Variants in ECE1 observed in about 807,000 individuals in gnomAD.
ECE1 encodes the protein endothelin-converting enzyme 1.
ECE1 carries 35 observed loss-of-function variants against 98.6 expected under a neutral mutation model. The ratio of observed to expected loss-of-function variants is 0.35; its 90% CI spans 0.27 to 0.47. The LOEUF (loss-of-function observed/expected upper bound fraction) is 0.47, where lower values mean the gene tolerates loss of function less well. ECE1 is among the 20% of genes least tolerant of loss of function. ECE1 has a pLI of 1.00. For synonymous variants in ECE1, 394 were observed against 407.1 expected (o/e 0.97, Z 0.39); for missense variants, 814 against 1,025.3 (o/e 0.79, Z 2.81).
At chr1:21,273,021 CCACA>C (rs771959145) in intron 3 of ECE1, 110 bp from the exon 4 acceptor site, 1 of 1,216,952 alleles carries the variant, frequency 8.2e-7, no homozygotes, top group Non-Finnish European at 1.2e-6. Flanking sequence ...CTGGCCCTGA[CCACA>C]CAGATTTGGA....
chr1:21,250,095 G>T (rs1247708826), intron 8 of ECE1, among the ~76,000 whole-genome samples: 1 of 152,156 alleles, frequency 6.6e-6, no homozygotes, highest in Non-Finnish European at 1.5e-5. Context: ...ATTTCATCTT[G>T]CAAATGTGAG....
At chr1:21,238,338 T>C in intron 10 of ECE1, 94 bp from the exon 11 acceptor site, 2 of 1,014,026 alleles carry the variant, frequency 2.0e-6, no homozygotes, top group South Asian at 2.7e-5. Context: ...GGGCCCATGC[T>C]TTGTTCTGGA....
intron 1 of ECE1, among the ~76,000 whole-genome samples, chr1:21,305,187 A>G (rs1278553400): frequency 1.3e-5 from 2 of 152,226 alleles, no homozygotes; most frequent in African/African-American, 4.8e-5. Context: ...CAGCATAGAC[A>G]CAGGCCGTTT....
chr1:21,251,745 C>A (rs2098213129), intron 8 of ECE1, among the ~76,000 whole-genome samples: 2 of 152,136 alleles, frequency 1.3e-5, no homozygotes. Context: ...CCAGGAGGAA[C>A]CAGCTCTGGG....
chr1:21,294,230 TG>T (rs1053645973), upstream of ECE1: 3 of 152,418 alleles, frequency 2.0e-5, no homozygotes, highest in African/African-American at 7.2e-5. This position sits in a 1 kb window ranked among gnomAD's most constrained non-coding sequence, Gnocchi z 4.2. Flanking sequence ...TCACAGAGTC[TG>T]GGTGCCCTGG....
chr1:21,304,805 C>A (rs1296593484), intron 1 of ECE1, among the ~76,000 whole-genome samples: 2 of 152,054 alleles, frequency 1.3e-5, no homozygotes, highest in African/African-American at 4.8e-5. Context: ...GGAAATTACA[C>A]CTTATTAAGA....
intron 1 of ECE1, among the ~76,000 whole-genome samples, chr1:21,333,659 C>G (rs1639251452): frequency 6.6e-6 from 1 of 152,094 alleles, no homozygotes; most frequent in African/African-American, 2.4e-5. Context: ...ATGGTGAAAC[C>G]CCGTCTCTAC....
intron 17 of ECE1, chr1:21,222,130 C>A (rs987306494): frequency 1.1e-5 from 5 of 475,716 alleles, no homozygotes; most frequent in African/African-American, 7.9e-5. Flanking sequence ...AGATGCATCT[C>A]AAACTTAACA....
At chr1:21,234,893 C>T (rs930136864) in intron 13 of ECE1, among the ~76,000 whole-genome samples, 1 of 152,196 alleles carries the variant, frequency 6.6e-6, no homozygotes, top group Non-Finnish European at 1.5e-5. Context: ...AAGGATCTTG[C>T]GTCATGACAC....
chr1:21,261,812 G>A (rs768459725), intron 4 of ECE1, among the ~76,000 whole-genome samples: 2 of 152,198 alleles, frequency 1.3e-5, no homozygotes, highest in East Asian at 1.9e-4. Context: ...CATTTGAGCT[G>A]GTTCTGAAAG....
chr1:21,330,626 T>C (rs1346624696), intron 1 of ECE1, among the ~76,000 whole-genome samples: 3 of 152,186 alleles, frequency 2.0e-5, no homozygotes, highest in Non-Finnish European at 4.4e-5. Flanking sequence ...CTGCCATGCC[T>C]GGCACAGGAA....
At chr1:21,290,710 C>T (rs2098265835), upstream of ECE1, among the ~76,000 whole-genome samples, 1 of 152,194 alleles carries the variant, frequency 6.6e-6, no homozygotes, top group Non-Finnish European at 1.5e-5. The surrounding 1 kb of genome is among the most constrained non-coding windows in gnomAD (Gnocchi z 7.3). Context: ...CAACCGGGTC[C>T]CCAGTGGCAG....
chr1:21,330,122 C>T (rs1260914009), intron 1 of ECE1, among the ~76,000 whole-genome samples: 1 of 146,858 alleles, frequency 6.8e-6, no homozygotes, highest in African/African-American at 2.5e-5. Flanking sequence ...TGCCCACATA[C>T]TCACTAAATA....
intron 17 of ECE1, among the ~76,000 whole-genome samples, chr1:21,222,451 C>T: frequency 6.6e-6 from 1 of 152,162 alleles, no homozygotes; most frequent in East Asian, 1.9e-4. Flanking sequence ...CAGGTGCTGG[C>T]AAACCTTTTC....
intron 1 of ECE1, among the ~76,000 whole-genome samples, chr1:21,336,978 A>G (rs1001041504): frequency 1.3e-5 from 2 of 152,204 alleles, no homozygotes; most frequent in Admixed American, 1.3e-4. Context: ...CAGAGCTTGC[A>G]GTGAGCCGAG....
chr1:21,285,461 A>G (rs528206504), intron 2 of ECE1, among the ~76,000 whole-genome samples: 1 of 152,316 alleles, frequency 6.6e-6, no homozygotes, highest in Admixed American at 6.5e-5. Context: ...AACAGAGTTG[A>G]TAACAACTCC....
At chr1:21,244,666 TG>T (rs1317095769) in intron 10 of ECE1, among the ~76,000 whole-genome samples, 2 of 152,182 alleles carry the variant, frequency 1.3e-5, no homozygotes. Flanking sequence ...TGCTGTTCTG[TG>T]TTTTACGTTT....
chr1:21,260,488 C>A lies in ECE1; in HGVS notation c.494-96G>T. ...CTTTTCGGAGCCTTGGTGTTCTCAG[C>A]TGCAAAGGAGCTCTGACATCTGCCT... On this transcript the variant is annotated intron_variant, in intron 4 of 18. Coordinates refer to ENST00000374893, the MANE Select transcript of ECE1 (RefSeq NM_001397.3). This position sits in a 1 kb window ranked among gnomAD's most constrained non-coding sequence, Gnocchi z 4.3. 1 of 1,475,952 alleles carries A rather than the reference C, an allele frequency of 6.8e-7. No homozygotes were observed. Among genetic ancestry groups the A allele is most frequent in the Non-Finnish European group, 9.4e-7 (1 of 1,059,306 alleles). The allele number at this position is 1,475,952 out of a possible 1,614,324, so 91.4% of individuals were successfully genotyped here.
At position 21,345,147 on chromosome 1, in the gene ECE1, TCGGCGCGGCCGCCC is replaced by T. The variant is rs1639473787; in HGVS notation, c.3+215_3+228del. The T allele has an allele frequency of 1.8e-5, 7 of 393,960 alleles. No homozygotes were observed. Among genetic ancestry groups the T allele is most frequent in the African/African-American group, 4.3e-5 (2 of 46,264 alleles). The allele number at this position is 393,960 out of a possible 1,614,324, so 24.4% of individuals were successfully genotyped here. ...CATCCGGCTGGGACCAGAACCAAGC[TCGGCGCGGCCGCCC>T]CCGACGGGACCAAGCGCAGCGCCGC... On this transcript the variant is annotated intron_variant, in intron 1 of 18. Coordinates refer to the ECE1 transcript ENST00000415912. This position sits in a 1 kb window ranked among gnomAD's most constrained non-coding sequence, Gnocchi z 5.1.
Sources: gnomAD v4.1 joint callset for allele counts (sites outside exome capture counted in the v4.1 genomes callset) on GRCh38, gnomAD v4.1.1 for gene constraint, Gnocchi (gnomAD v3.1) non-coding constraint, MANE v1.5 for transcripts, NCBI Gene and HGNC (gene_info 2026-07-23, HGNC 2026-07-21) for gene names.